The following MED13 variants were observed in gnomAD, a reference collection of about 807,000 sequenced individuals.
MED13 encodes mediator complex subunit 13.
Under a neutral mutation model 225.2 loss-of-function variants are expected in MED13, and 23 were observed. That is an observed-to-expected ratio of 0.10 (90% confidence interval 0.07 to 0.14). MED13 has a LOEUF of 0.14. Among genes scored for constraint, MED13 ranks in the 10% least tolerant of loss-of-function variants. The pLI is 1.00. For synonymous variants in MED13, 942 were observed against 889.2 expected, an observed-to-expected ratio of 1.06 and a Z score of -1.06; for missense variants, 2,197 against 2,594.5, an observed-to-expected ratio of 0.85 and a Z score of 3.33.
At chr17:62,023,734 T>C (rs1025837820) in intron 8 of MED13, among the ~76,000 whole-genome samples, 5 of 123,686 alleles carry the variant, frequency 4.0e-5, no homozygotes, top group Non-Finnish European at 7.8e-5. Flanking sequence ...CAGTTATCAA[T>C]GTATGCCCCC....
intron 2 of MED13, among the ~76,000 whole-genome samples, chr17:62,062,865 C>G (rs563002089): frequency 6.6e-6 from 1 of 152,210 alleles, no homozygotes; most frequent in African/African-American, 2.4e-5. Flanking sequence ...AAGTCATTCA[C>G]GCCTTAAAAA....
In MED13 at chr17:61,978,424, G is replaced by A. The variant is rs1027287706; in HGVS notation, c.3805+3774C>T. Among the ~76,000 whole-genome samples the A allele has an allele frequency of 3.9e-5, 6 of 152,106 alleles. No homozygotes were observed. The East Asian group carries it at 7.7e-4, about 20-fold the overall frequency. Reference sequence around the variant, plus strand: ...GCGCCACCATGCCCAGCTAATTTTTGTATTTTTAGTAGAGATGGGGTTTCA... The same window carrying A: ...GCGCCACCATGCCCAGCTAATTTTTATATTTTTAGTAGAGATGGGGTTTCA... On this transcript the variant is annotated intron_variant, in intron 16 of 29. Transcript: ENST00000397786.
chr17:62,057,095 A>G (rs2081001695), intron 2 of MED13, among the ~76,000 whole-genome samples: 1 of 152,208 alleles, frequency 6.6e-6, no homozygotes, highest in African/African-American at 2.4e-5. Context: ...ATCTTTAAAT[A>G]TCTCCACGGT....
At chr17:61,998,924 A>C (rs1233408642) in intron 9 of MED13, among the ~76,000 whole-genome samples, 6 of 81,270 alleles carry the variant, frequency 7.4e-5, no homozygotes, top group African/African-American at 9.8e-5. Context: ...TTTAAATGGT[A>C]CTTTTTTTTT....
At chr17:62,018,393 T>C (rs2080603835) in intron 8 of MED13, among the ~76,000 whole-genome samples, 1 of 152,202 alleles carries the variant, frequency 6.6e-6, no homozygotes, top group South Asian at 2.1e-4. Context: ...TTAGGTATTA[T>C]AAACAAACTA....
Position 61,951,007 on chromosome 17 carries a change from G to A in MED13, c.6118-9C>T, listed in dbSNP as rs2079891833. 2 of 1,602,898 alleles carry A rather than the reference G, an allele frequency of 1.2e-6. No individual in the cohort carries two copies. Among genetic ancestry groups the A allele is most frequent in the East Asian group, 4.5e-5 (2 of 44,558 alleles). On this transcript the variant is annotated splice_polypyrimidine_tract_variant and intron_variant, in intron 27 of 29. Coordinates refer to ENST00000397786, the MANE Select transcript of MED13 (RefSeq NM_005121.3). ...CGATCAGTACTCTGACCCTTAAAAA[G>A]ACAAAATTAAAAGTATATTAGTTCA...
intron 3 of MED13, among the ~76,000 whole-genome samples, chr17:62,046,490 T>C (rs997994991): frequency 6.6e-6 from 1 of 152,196 alleles, no homozygotes; most frequent in African/African-American, 2.4e-5. Context: ...TAGTGCTCAA[T>C]TACATGGTTA....
At chr17:62,042,696 T>C (rs1009911704) in intron 3 of MED13, among the ~76,000 whole-genome samples, 1 of 152,098 alleles carries the variant, frequency 6.6e-6, no homozygotes, top group Non-Finnish European at 1.5e-5. Flanking sequence ...TACTATTTCC[T>C]GTAACTTAAA....
intron 9 of MED13, among the ~76,000 whole-genome samples, chr17:61,998,801 A>G (rs1223824094): frequency 1.3e-5 from 2 of 150,806 alleles, no homozygotes; most frequent in Non-Finnish European, 3.0e-5. Context: ...ATCTCACTAT[A>G]TTGCCCAGGC....
At chr17:62,045,174 T>C (rs115783393) in intron 3 of MED13, among the ~76,000 whole-genome samples, 1 of 152,204 alleles carries the variant, frequency 6.6e-6, no homozygotes, top group Admixed American at 6.5e-5. Flanking sequence ...CAAAACCTCC[T>C]ATGTCACTAT....
rs145924169 is a variant in MED13 at position 62,023,233 on chromosome 17, C to T, written c.1283+6308G>A. Among the ~76,000 whole-genome samples, 445 of 152,088 alleles carry T rather than the reference C, an allele frequency of 2.9e-3. 1 individual carries two copies. The highest frequency in any genetic ancestry group is 0.01 in the African/African-American group (426 of 41,468). ...TTATGAATTTTTTTTCTTCCCAAAT[C>T]AATTTTTAAGAGAAGCCAATGTTAT... On this transcript the variant is annotated intron_variant, in intron 8 of 29. Transcript: ENST00000397786.
chr17:61,963,624 CATTT>C (rs2080027042), intron 20 of MED13, among the ~76,000 whole-genome samples: 1 of 152,136 alleles, frequency 6.6e-6, no homozygotes, highest in Non-Finnish European at 1.5e-5. Context: ...AGACTATATA[CATTT>C]ATTTCATACT....
intron 3 of MED13, among the ~76,000 whole-genome samples, chr17:62,050,816 C>A (rs974622982): frequency 3.3e-5 from 5 of 152,126 alleles, no homozygotes; most frequent in Admixed American, 1.3e-4. Flanking sequence ...CAAGCCTGGG[C>A]AACATGGCAA....
In MED13 at chr17:62,065,181, C is replaced by G; in HGVS notation, c.25G>C (p.Gly9Arg). 1 of 1,581,052 alleles carries G rather than the reference C, an allele frequency of 6.3e-7. No homozygotes were observed. The highest frequency in any genetic ancestry group is 2.4e-5 in the East Asian group (1 of 41,724). Residue 9 changes from glycine (G) to arginine (R), a missense_variant, in exon 1 of 30, where the codon GGG becomes CGG. Around this residue, in one of 12 missense-constraint regions of MED13, gnomAD observed 884 missense variants for 918.5 expected, o/e 0.96. Coordinates refer to ENST00000397786, the MANE Select transcript of MED13 (RefSeq NM_005121.3). Reference protein sequence around the residue: MSASFVPNGASLEDCHCNL... With the variant: MSASFVPNRASLEDCHCNL... ...CAGTGACAATCTTCCAGGCTGGCCC[C>G]GTTCGGCACGAAGGAGGCACTCATC...
At chr17:62,016,588 G>C (rs1304873145) in intron 8 of MED13, among the ~76,000 whole-genome samples, 1 of 152,142 alleles carries the variant, frequency 6.6e-6, no homozygotes, top group Non-Finnish European at 1.5e-5. Flanking sequence ...TCCAAATTGA[G>C]ATGTGCTATA....
chr17:61,989,203 G>A (rs932417503), intron 11 of MED13, among the ~76,000 whole-genome samples: 1 of 151,914 alleles, frequency 6.6e-6, no homozygotes, highest in Non-Finnish European at 1.5e-5. Context: ...GTAGAGACGG[G>A]GTTTCACTGT....
intron 16 of MED13, among the ~76,000 whole-genome samples, chr17:61,975,139 T>TA (rs200864641): frequency 0.02 from 2,748 of 138,818 alleles, 43 homozygotes; most frequent in East Asian, 0.071. Flanking sequence ...CCCCGTATCT[T>TA]AAAAAAAAAA....
chr17:62,045,811 C>T (rs924197481), intron 3 of MED13, among the ~76,000 whole-genome samples: 1 of 152,134 alleles, frequency 6.6e-6, no homozygotes, highest in African/African-American at 2.4e-5. Context: ...CTTACACTTG[C>T]GGGATTCTTT....
chr17:61,948,816 G>T (rs554899864), intron 28 of MED13, among the ~76,000 whole-genome samples: 1 of 151,244 alleles, frequency 6.6e-6, no homozygotes, highest in African/African-American at 2.4e-5. Context: ...GCCGGGCGCG[G>T]TGGCTCACGC....
Sources: allele counts gnomAD v4.1 joint callset (sites outside exome capture counted in the v4.1 genomes callset), GRCh38; gene constraint gnomAD v4.1.1; regional missense constraint gnomAD v4.1.1; transcripts MANE v1.5; gene names NCBI Gene and HGNC (gene_info 2026-07-23, HGNC 2026-07-21).